The following LRRC4C variants were observed in gnomAD, a reference collection of about 807,000 sequenced individuals.
LRRC4C encodes the protein leucine-rich repeat-containing protein 4C.
In LRRC4C, 5 loss-of-function variants were observed where a neutral mutation model predicts 33.6. The ratio of observed to expected loss-of-function variants is 0.15; its 90% CI spans 0.08 to 0.31. The LOEUF is 0.31. Among genes scored for constraint, LRRC4C ranks in the 10% least tolerant of loss-of-function variants. The probability of loss-of-function intolerance (pLI) is 1.00; values close to 1 mark genes in which losing one functional copy is unlikely to be tolerated. For synonymous variants in LRRC4C, 329 were observed against 302.0 expected, an observed-to-expected ratio of 1.09 and a Z score of -0.93; for missense variants, 560 against 796.7, an observed-to-expected ratio of 0.70 and a Z score of 3.58.
At position 41,410,204 on chromosome 11, in the gene LRRC4C, A is replaced by T. The variant is rs557747302; in HGVS notation, c.-496+49227T>A. ...AGTCTAGGGTGAGCTCTTACTGATT[A>T]TAACAATACTGTTATTGATGAAGCA... On this transcript the variant is annotated intron_variant, in intron 1 of 6. Coordinates refer to ENST00000528697, the MANE Select transcript of LRRC4C (RefSeq NM_001258419.2). Among the ~76,000 whole-genome samples, 902 of 152,294 alleles carry T rather than the reference A, an allele frequency of 5.9e-3. 14 individuals are homozygous for T. Among genetic ancestry groups the T allele is most frequent in the African/African-American group, 0.02 (847 of 41,562 alleles).
At chr11:40,787,179 T>C (rs1311515365) in intron 2 of LRRC4C, among the ~76,000 whole-genome samples, 1 of 152,168 alleles carries the variant, frequency 6.6e-6, no homozygotes, top group African/African-American at 2.4e-5. Context: ...TTCTCCAGAT[T>C]TATGAATTTC....
At chr11:41,127,894 TG>T in intron 1 of LRRC4C, among the ~76,000 whole-genome samples, 1 of 152,206 alleles carries the variant, frequency 6.6e-6, no homozygotes, top group South Asian at 2.1e-4. Flanking sequence ...TACTGGGATT[TG>T]GGGATGTTTG....
intron 3 of LRRC4C, among the ~76,000 whole-genome samples, chr11:40,412,008 T>C (rs1050053231): frequency 4.5e-4 from 69 of 152,082 alleles, no homozygotes; most frequent in African/African-American, 1.7e-3. Flanking sequence ...TATATGAAAA[T>C]ACTGATTTTT....
intron 1 of LRRC4C, among the ~76,000 whole-genome samples, chr11:41,164,880 C>A (rs1468040972): frequency 6.6e-6 from 1 of 152,132 alleles, no homozygotes; most frequent in African/African-American, 2.4e-5. Context: ...TAAAATCCCT[C>A]GTGGCTTGGA....
chr11:41,170,553 T>C (rs1439195484), intron 1 of LRRC4C, among the ~76,000 whole-genome samples: 1 of 152,206 alleles, frequency 6.6e-6, no homozygotes, highest in African/African-American at 2.4e-5. Flanking sequence ...GCTAGCCATA[T>C]GTAGAAAGCT....
chr11:40,984,893 CTTT>C (rs562785410), intron 1 of LRRC4C, among the ~76,000 whole-genome samples: 35 of 52,268 alleles, frequency 6.7e-4, no homozygotes, highest in African/African-American at 2.0e-3. Context: ...CTCACTGACA[CTTT>C]TTTTTTTTTT....
At chr11:41,270,079 C>A (rs1195095082) in intron 1 of LRRC4C, among the ~76,000 whole-genome samples, 2 of 152,026 alleles carry the variant, frequency 1.3e-5, no homozygotes, top group Non-Finnish European at 2.9e-5. Context: ...TCTATTTTTA[C>A]AGAATATTGA....
intron 2 of LRRC4C, among the ~76,000 whole-genome samples, chr11:40,736,237 C>G (rs947439957): frequency 6.6e-6 from 1 of 151,918 alleles, no homozygotes; most frequent in African/African-American, 2.4e-5. Context: ...TTGTTCACCT[C>G]GCACTTATAA....
At chr11:40,741,319 A>G (rs1948148172) in intron 2 of LRRC4C, among the ~76,000 whole-genome samples, 1 of 152,144 alleles carries the variant, frequency 6.6e-6, no homozygotes, top group African/African-American at 2.4e-5. Flanking sequence ...ATAGGTAGGG[A>G]ACATATATGT....
rs10837564 is a variant in LRRC4C at position 41,075,027 on chromosome 11, T to A, written c.-495-141304A>T. Among the ~76,000 whole-genome samples, 281 of 102,666 alleles carry A rather than the reference T, an allele frequency of 2.7e-3. 2 individuals carry two copies. Among genetic ancestry groups the A allele is most frequent in the Middle Eastern group, 9.1e-3 (2 of 220 alleles). 67.4% of individuals were successfully genotyped at this position (102,666 alleles called of 152,430 possible). A position where few individuals can be genotyped will look rare whatever the true frequency, so the allele number is the denominator to read the frequency against. On this transcript the variant is annotated intron_variant, in intron 1 of 6. Coordinates refer to ENST00000528697, the MANE Select transcript of LRRC4C (RefSeq NM_001258419.2). ...ACCTTCAATTTTCTTTTTTTTTTTT[T>A]TTTTTTTTTATTTTTAATGTTTTTT... is the stretch of plus-strand genomic sequence containing the variant.
intron 2 of LRRC4C, among the ~76,000 whole-genome samples, chr11:40,854,679 TG>T (rs1953687010): frequency 6.6e-6 from 1 of 151,636 alleles, no homozygotes; most frequent in African/African-American, 2.4e-5. Context: ...ATTAAAAATA[TG>T]TTTGTGTAAT....
chr11:40,785,600 C>G (rs745504697), intron 2 of LRRC4C, among the ~76,000 whole-genome samples: 7 of 152,144 alleles, frequency 4.6e-5, no homozygotes, highest in Non-Finnish European at 8.8e-5. Flanking sequence ...ACACTATGAA[C>G]CAATCTTTAT....
At chr11:40,745,852 G>T (rs1353966523) in intron 2 of LRRC4C, among the ~76,000 whole-genome samples, 1 of 152,106 alleles carries the variant, frequency 6.6e-6, no homozygotes, top group South Asian at 2.1e-4. Context: ...CTGGCGTTAT[G>T]AATCAAAAAG....
chr11:41,277,154 A>G (rs911380252), intron 1 of LRRC4C, among the ~76,000 whole-genome samples: 4 of 152,180 alleles, frequency 2.6e-5, no homozygotes, highest in Non-Finnish European at 5.9e-5. Context: ...GAATGGGTGG[A>G]TGTTTAAATA....
chr11:41,291,836 T>A (rs2137012102), intron 1 of LRRC4C, among the ~76,000 whole-genome samples: 1 of 152,310 alleles, frequency 6.6e-6, no homozygotes, highest in East Asian at 1.9e-4. Flanking sequence ...AATATCTGTG[T>A]GGGCAAGGCA....
intron 3 of LRRC4C, among the ~76,000 whole-genome samples, chr11:40,598,726 G>C (rs187197678): frequency 1.3e-5 from 2 of 152,288 alleles, no homozygotes; most frequent in Non-Finnish European, 2.9e-5. Flanking sequence ...GTTATGGCCT[G>C]AGGAAAAGAT....
intron 1 of LRRC4C, among the ~76,000 whole-genome samples, chr11:41,174,007 A>G (rs1226187807): frequency 5.9e-5 from 9 of 152,102 alleles, no homozygotes; most frequent in Admixed American, 5.9e-4. Flanking sequence ...ATGATGAGTG[A>G]CCATTAATTT....
intron 1 of LRRC4C, among the ~76,000 whole-genome samples, chr11:41,183,528 G>T (rs962688603): frequency 1.3e-5 from 2 of 152,116 alleles, no homozygotes; most frequent in Non-Finnish European, 2.9e-5. Flanking sequence ...TCACACCCAG[G>T]TCATGCTGGT....
chr11:40,694,614 T>C (rs1000348105), intron 2 of LRRC4C, among the ~76,000 whole-genome samples: 3 of 152,126 alleles, frequency 2.0e-5, no homozygotes, highest in African/African-American at 7.2e-5. Flanking sequence ...CCCATGGCTA[T>C]ACAGAGACAT....
Sources: gnomAD v4.1 joint callset for allele counts (sites outside exome capture counted in the v4.1 genomes callset) on GRCh38, gnomAD v4.1.1 for gene constraint, MANE v1.5 for transcripts, NCBI Gene and HGNC (gene_info 2026-07-23, HGNC 2026-07-21) for gene names.